Variants in ZNF83 observed in about 807,000 individuals in gnomAD.
ZNF83 encodes the protein zinc finger protein 816B.
For synonymous variants in ZNF83, 209 were observed against 213.0 expected (o/e 0.98, Z 0.17); for missense variants, 552 against 629.9 (o/e 0.88, Z 1.32).
intron 3 of ZNF83, chr19:52,653,265 T>C: frequency 6.7e-7 from 1 of 1,488,804 alleles, no homozygotes; most frequent in South Asian, 1.1e-5. Context: ...TATAATGACA[T>C]GCAAGGTGTG....
intron 1 of ZNF83, among the ~76,000 whole-genome samples, chr19:52,661,639 G>A (rs1269697563): frequency 6.6e-6 from 1 of 152,168 alleles, no homozygotes; most frequent in Non-Finnish European, 1.5e-5. Flanking sequence ...TGAAGTCAGG[G>A]TTGAGCTCCA....
At chr19:52,625,610 A>G (rs2060709438) in intron 2 of ZNF83, among the ~76,000 whole-genome samples, 1 of 152,202 alleles carries the variant, frequency 6.6e-6, no homozygotes, top group African/African-American at 2.4e-5. Context: ...TATTACAGAC[A>G]AGACATCTAT....
At chr19:52,688,714 A>C (rs377205097) in intron 1 of ZNF83, among the ~76,000 whole-genome samples, 3 of 152,088 alleles carry the variant, frequency 2.0e-5, no homozygotes, top group African/African-American at 4.8e-5. Context: ...ATCATCCTCT[A>C]TCTCTATATG....
chr19:52,687,610 T>TGTG (rs1568588943), intron 1 of ZNF83, among the ~76,000 whole-genome samples: 1 of 30,046 alleles, frequency 3.3e-5, no homozygotes, highest in African/African-American at 4.1e-4. Flanking sequence ...TATATATATA[T>TGTG]AATGTGTATA....
At chr19:52,657,923 G>A (rs944395739) in intron 2 of ZNF83, among the ~76,000 whole-genome samples, 2 of 151,522 alleles carry the variant, frequency 1.3e-5, no homozygotes, top group Non-Finnish European at 2.9e-5. Context: ...GATCACCTGA[G>A]GTTGGTAGCT....
At chr19:52,646,285 C>T (rs2061371880) in intron 3 of ZNF83, among the ~76,000 whole-genome samples, 1 of 152,114 alleles carries the variant, frequency 6.6e-6, no homozygotes, top group African/African-American at 2.4e-5. Context: ...TGGCTAATCC[C>T]TGTAATGCTG....
chr19:52,616,857 A>G (rs1467080125), intron 2 of ZNF83: 1 of 152,212 alleles, frequency 6.6e-6, no homozygotes, highest in African/African-American at 2.4e-5. Flanking sequence ...AAAAAGAAAA[A>G]AAAGAATGAG....
rs371550822 is a variant in ZNF83, at chr19:52,632,352, C to T, written c.-234+2714G>A. Among the ~76,000 whole-genome samples, 28 of 149,670 alleles carry T rather than the reference C, an allele frequency of 1.9e-4. No individual in the cohort carries two copies. The East Asian group carries it at 2.0e-3, about 11-fold the overall frequency. ...GACTGGACAATACTTTTACCACTTTCGCTTCTCAGAATTCAGGCCTGTCCT... is the reference window on the plus strand; with the variant it reads ...GACTGGACAATACTTTTACCACTTTTGCTTCTCAGAATTCAGGCCTGTCCT... On this transcript the variant is annotated intron_variant, in intron 2 of 2. Coordinates refer to ENST00000301096, the Ensembl canonical transcript of ZNF83.
At chr19:52,683,150 G>C (rs1045977339) in intron 1 of ZNF83, among the ~76,000 whole-genome samples, 1 of 152,082 alleles carries the variant, frequency 6.6e-6, no homozygotes, top group Non-Finnish European at 1.5e-5. Flanking sequence ...CATTACAGGG[G>C]TGAGCCACCA....
chr19:52,630,611 C>T (rs934518407), intron 2 of ZNF83, among the ~76,000 whole-genome samples: 1 of 152,190 alleles, frequency 6.6e-6, no homozygotes, highest in Middle Eastern at 3.4e-3. Flanking sequence ...GCCCTTCTCC[C>T]CAACCCAAAG....
In ZNF83 at chr19:52,614,701, CTTT is replaced by C; in HGVS notation, c.-140_-138del. On this transcript the variant is annotated 5_prime_UTR_variant, in exon 3 of 3. Coordinates refer to ENST00000301096, the Ensembl canonical transcript of ZNF83. ...GAAGCAAAAATCTTGTATGTCGTGG[CTTT>C]CATGTCTTTCCAACATTACTGTCTG... 3.0e-6 allele frequency: 4 copies of C among 1,345,312 alleles called. No homozygotes were observed. The East Asian group carries it at 1.1e-4, about 37-fold the overall frequency. 83.3% of individuals were successfully genotyped at this position (1,345,312 alleles called of 1,614,324 possible).
intron 2 of ZNF83, among the ~76,000 whole-genome samples, chr19:52,631,903 T>A (rs1168999231): frequency 2.0e-5 from 3 of 150,510 alleles, no homozygotes; most frequent in Non-Finnish European, 4.4e-5. Context: ...GTGTTCCATC[T>A]GCTATTCTAC....
chr19:52,618,189 T>A (rs1295758560), intron 2 of ZNF83: 1 of 152,210 alleles, frequency 6.6e-6, no homozygotes, highest in Non-Finnish European at 1.5e-5. Context: ...CCTCCCAGGT[T>A]CAGGTGATAA....
At chr19:52,625,789 C>G (rs547108452) in intron 2 of ZNF83, among the ~76,000 whole-genome samples, 53 of 152,242 alleles carry the variant, frequency 3.5e-4, no homozygotes, top group African/African-American at 9.1e-4. Context: ...TGTAGACACT[C>G]AATGCTTTCT....
At position 52,687,589 on chromosome 19, in the gene ZNF83, T is replaced by A. The variant is rs1568588758; in HGVS notation, c.-283+2854A>T. 3.9e-3 allele frequency among the ~76,000 whole-genome samples: 227 copies of A among 58,416 alleles called. 29 individuals carry two copies. Among genetic ancestry groups the A allele is most frequent in the African/African-American group, 0.02 (212 of 10,494 alleles). The allele number at this position is 58,416 out of a possible 152,430, so 38.3% of individuals were successfully genotyped here. A position where few individuals can be genotyped will look rare whatever the true frequency, so the allele number is the denominator to read the frequency against. On this transcript the variant is annotated intron_variant, in intron 1 of 5. Coordinates refer to the ZNF83 transcript ENST00000594682. ...TATATATATAAATTTTATATATATA[T>A]ATATATAATGTATATATATATAATG...
At position 52,659,613 on chromosome 19, in the gene ZNF83, C is replaced by CAAAAAAAAAAAAAAAAA. The variant is rs67918270; in HGVS notation, c.-201+1148_-201+1149insTTTTTTTTTTTTTTTTT. 1.7e-5 allele frequency among the ~76,000 whole-genome samples: 2 copies of CAAAAAAAAAAAAAAAAA among 114,292 alleles called. 1 individual carries two copies. Among genetic ancestry groups the CAAAAAAAAAAAAAAAAA allele is most frequent in the Non-Finnish European group, 3.6e-5 (2 of 55,258 alleles). 75.0% of individuals were successfully genotyped at this position (114,292 alleles called of 152,430 possible). On this transcript the variant is annotated intron_variant, in intron 2 of 5. Transcript: ENST00000594682. Reference sequence around the variant, plus strand: ...ACCTCAACAGAGCAAGACTCCAACTCAAAAAAAAAAAAAAGAGTACCAGAA... The same window carrying CAAAAAAAAAAAAAAAAA: ...ACCTCAACAGAGCAAGACTCCAACTCAAAAAAAAAAAAAAAAAAAAAAAAAAAAAAAGAGTACCAGAA...
chr19:52,619,508 C>G (rs1241263718), intron 2 of ZNF83, among the ~76,000 whole-genome samples: 1 of 151,990 alleles, frequency 6.6e-6, no homozygotes, highest in Non-Finnish European at 1.5e-5. Context: ...TGCCTGTAGT[C>G]TCAGCTACTC....
chr19:52,664,766 G>A (rs1472020716), intron 1 of ZNF83, among the ~76,000 whole-genome samples: 1 of 151,588 alleles, frequency 6.6e-6, no homozygotes, highest in African/African-American at 2.4e-5. Context: ...GGGGGTGAGG[G>A]GGGAAGAGGC....
upstream of ZNF83, among the ~76,000 whole-genome samples, chr19:52,641,230 C>T (rs2061301112): frequency 6.6e-6 from 1 of 152,192 alleles, no homozygotes. Context: ...TAAGTTTATA[C>T]ACTCATGGTC....
Sources: allele counts gnomAD v4.1 joint callset (sites outside exome capture counted in the v4.1 genomes callset), GRCh38; gene constraint gnomAD v4.1.1; transcripts MANE v1.5; gene names NCBI Gene and HGNC (gene_info 2026-07-23, HGNC 2026-07-21).